RYR2: variants seen among roughly 807,000 people sequenced by gnomAD.
RYR2 encodes the protein cardiac muscle ryanodine receptor-calcium release channel.
A neutral mutation model predicts 601.1 loss-of-function variants in RYR2; 227 were observed. The observed-to-expected ratio is 0.38, with a 90% CI of 0.34 to 0.42. The LOEUF (loss-of-function observed/expected upper bound fraction) is 0.42. Among genes scored for constraint, RYR2 ranks in the 10% least tolerant of loss-of-function variants. The pLI, the probability that RYR2 is intolerant of heterozygous loss-of-function variation, is 1.00. For missense variants in RYR2, 4,646 were observed against 6,156.5 expected, an observed-to-expected ratio of 0.75 and a Z score of 8.21; for synonymous variants, 2,223 against 2,175.1, an observed-to-expected ratio of 1.02 and a Z score of -0.61.
intron 1 of RYR2, among the ~76,000 whole-genome samples, chr1:237,069,834 T>C (rs1664085203): frequency 6.6e-6 from 1 of 152,212 alleles, no homozygotes; most frequent in Non-Finnish European, 1.5e-5. Flanking sequence ...ATACTGTTTT[T>C]CCCTAACAAT....
chr1:237,658,234 T>A (rs1683437547), intron 54 of RYR2, among the ~76,000 whole-genome samples: 1 of 152,158 alleles, frequency 6.6e-6, no homozygotes, highest in Non-Finnish European at 1.5e-5. Context: ...TAAGCACTAT[T>A]TTAAGCTTTC....
At chr1:237,160,851 C>A (rs1214587268) in intron 1 of RYR2, among the ~76,000 whole-genome samples, 1 of 152,032 alleles carries the variant, frequency 6.6e-6, no homozygotes, top group Non-Finnish European at 1.5e-5. Flanking sequence ...CACTCTAAAT[C>A]ATTATAATTT....
intron 17 of RYR2, among the ~76,000 whole-genome samples, chr1:237,477,372 A>G (rs1661533482): frequency 6.6e-6 from 1 of 152,176 alleles, no homozygotes; most frequent in Non-Finnish European, 1.5e-5. Context: ...GCCTGGTGAC[A>G]GAGTAAGACT....
rs766933683 is a variant in RYR2, at chr1:237,614,175, C to G, written c.5047C>G (p.Pro1683Ala). 3 of 1,613,900 alleles carry G rather than the reference C, an allele frequency of 1.9e-6. No individual in the cohort carries two copies. Among genetic ancestry groups the G allele is most frequent in the Non-Finnish European group, 2.5e-6 (3 of 1,179,904 alleles). ...TGCCCTGTGCAGCCATGTGGATGAA[C>G]CTCAGCTCCTCTATGCCATTGAGAA... ...AHALCSHVDE[P>A]QLLYAIENKY... Residue 1683 changes from proline (P) to alanine (A), a missense_variant, in exon 37 of 105, where the codon CCT becomes GCT. Physicochemically the swap from Pro to Ala is conservative, Grantham distance 27 (BLOSUM62 -1). This residue lies in a region of RYR2 where 1,807 missense variants were observed against 2,088.1 expected (regional missense o/e 0.87). Transcript: ENST00000366574. The surrounding 1 kb of genome is among the most constrained non-coding windows in gnomAD (Gnocchi z 4.3).
chr1:237,508,900 G>T (rs538462594), intron 23 of RYR2, among the ~76,000 whole-genome samples: 33 of 150,854 alleles, frequency 2.2e-4, no homozygotes, highest in African/African-American at 7.6e-4. Context: ...CCGCTACCAC[G>T]CCCGGCTAAT....
chr1:237,127,502 C>G (rs1216406608), intron 1 of RYR2, among the ~76,000 whole-genome samples: 1 of 150,846 alleles, frequency 6.6e-6, no homozygotes, highest in Non-Finnish European at 1.5e-5. Context: ...GGCGGCTGGC[C>G]GGGCGGGGGG....
intron 12 of RYR2, among the ~76,000 whole-genome samples, chr1:237,433,856 T>G (rs1707088325): frequency 6.6e-6 from 1 of 152,130 alleles, no homozygotes. Flanking sequence ...ACTTACATTA[T>G]GAAAGGCAAA....
In RYR2 at chr1:237,252,591, G is replaced by C. The variant is rs116277607; in HGVS notation, c.49-17906G>C. Among the ~76,000 whole-genome samples the C allele has an allele frequency of 6.5e-3, 983 of 152,262 alleles. 13 individuals are homozygous for C. The highest frequency in any genetic ancestry group is 0.022 in the African/African-American group (920 of 41,550). On this transcript the variant is annotated intron_variant, in intron 1 of 104. Coordinates refer to ENST00000366574, the MANE Select transcript of RYR2 (RefSeq NM_001035.3). ...TGTCTCATTCACAGTCTTATGTGTT[G>C]AATGAATGAATTTAATTTTTACAAA... is the stretch of plus-strand genomic sequence containing the variant.
intron 95 of RYR2, among the ~76,000 whole-genome samples, chr1:237,794,440 A>G (rs1483779029): frequency 1.3e-5 from 2 of 152,218 alleles, no homozygotes; most frequent in African/African-American, 4.8e-5. Flanking sequence ...CAAGCACCCT[A>G]GCATGAAACT....
chr1:237,422,970 C>A, intron 11 of RYR2, 122 bp from the exon 12 acceptor site: 1 of 1,130,288 alleles, frequency 8.8e-7, no homozygotes, highest in Non-Finnish European at 1.2e-6. Flanking sequence ...CACTAATATC[C>A]TAAGTTTTTT....
intron 35 of RYR2, among the ~76,000 whole-genome samples, chr1:237,608,246 A>C (rs553586020): frequency 6.6e-6 from 1 of 152,306 alleles, no homozygotes; most frequent in African/African-American, 2.4e-5. Flanking sequence ...AGAAGAACTG[A>C]AAGAGACATT....
chr1:237,545,596 A>G (rs10754611), intron 25 of RYR2, among the ~76,000 whole-genome samples: 27,382 of 152,064 alleles, frequency 0.18, 2,943 homozygotes, highest in South Asian at 0.28. Context: ...GGGAGTGAGA[A>G]GTAGTTGTGA....
At position 237,833,364 on chromosome 1, in the gene RYR2, G is replaced by A. The variant is rs867345276; in HGVS notation, c.*717G>A. 3.4e-5 allele frequency: 3 copies of A among 88,794 alleles called. No homozygotes were observed. The highest frequency in any genetic ancestry group is 8.6e-5 in the African/African-American group (2 of 23,150). The allele number at this position is 88,794 out of a possible 1,614,324, so 5.5% of individuals were successfully genotyped here. ...AAATTCACATTTGCCCCCCCCCCCC[G>A]CCCCCGCCCCCATATGCTCCTGCTA... On this transcript the variant is annotated 3_prime_UTR_variant, in exon 105 of 105. Coordinates refer to ENST00000366574, the MANE Select transcript of RYR2 (RefSeq NM_001035.3).
intron 20 of RYR2, among the ~76,000 whole-genome samples, chr1:237,500,330 G>T (rs1664497702): frequency 6.6e-6 from 1 of 152,080 alleles, no homozygotes; most frequent in Admixed American, 6.5e-5. Context: ...ATTAAGAGAG[G>T]TTAAGTAATT....
intron 1 of RYR2, among the ~76,000 whole-genome samples, chr1:237,140,941 T>C (rs1673322529): frequency 6.6e-6 from 1 of 152,240 alleles, no homozygotes. Flanking sequence ...TGCTGTGTTA[T>C]AGTCACTTTT....
intron 44 of RYR2, among the ~76,000 whole-genome samples, chr1:237,637,579 G>C (rs1270909304): frequency 6.6e-6 from 1 of 152,184 alleles, no homozygotes; most frequent in East Asian, 1.9e-4. Flanking sequence ...AAGGATGTTT[G>C]ACTGTGATCT....
chr1:237,433,041 G>A (rs902924057), intron 12 of RYR2, among the ~76,000 whole-genome samples: 6 of 151,098 alleles, frequency 4.0e-5, no homozygotes, highest in Non-Finnish European at 1.5e-5. Context: ...GTGTGGGGGG[G>A]GGTATCTTAA....
rs1252981116 is a variant in RYR2 at position 237,241,109 on chromosome 1, G to A, written c.49-29388G>A. Among the ~76,000 whole-genome samples the A allele has an allele frequency of 2.6e-5, 4 of 152,312 alleles. No individual in the cohort carries two copies. In the South Asian group the frequency reaches 6.2e-4, roughly 24 times the overall value. ...TTAGAAATGCAGGCTGCTAAGCACA[G>A]CCAGTAATGAGGAGAGAAGAGAGAA... On this transcript the variant is annotated intron_variant, in intron 1 of 104. Transcript: ENST00000366574.
intron 19 of RYR2, among the ~76,000 whole-genome samples, chr1:237,493,322 A>G (rs947575801): frequency 2.0e-5 from 3 of 152,184 alleles, no homozygotes; most frequent in African/African-American, 7.2e-5. Context: ...TTTTATTCAC[A>G]TTCCTATGTA....
Sources: allele counts gnomAD v4.1 joint callset (sites outside exome capture counted in the v4.1 genomes callset), GRCh38; gene constraint gnomAD v4.1.1; regional missense constraint gnomAD v4.1.1; non-coding constraint Gnocchi (gnomAD v3.1); transcripts MANE v1.5; gene names NCBI Gene and HGNC (gene_info 2026-07-23, HGNC 2026-07-21).